Variants in CTNNBL1 observed in about 807,000 individuals in gnomAD.
CTNNBL1 encodes the protein catenin beta like 1.
CTNNBL1 carries 31 observed loss-of-function variants against 72.7 expected under a neutral mutation model. The observed-to-expected ratio is 0.43, with a 90% confidence interval of 0.32 to 0.58. CTNNBL1 has a LOEUF of 0.58. Among genes scored for constraint, CTNNBL1 ranks in the 20% least tolerant of loss-of-function variants. The pLI is 0.08. For missense variants in CTNNBL1, 534 were observed against 725.1 expected, an observed-to-expected ratio of 0.74 and a Z score of 3.03; for synonymous variants, 240 against 267.3, an observed-to-expected ratio of 0.90 and a Z score of 1.00.
chr20:37,833,955 C>G (rs938996062), intron 11 of CTNNBL1, among the ~76,000 whole-genome samples: 1 of 152,162 alleles, frequency 6.6e-6, no homozygotes. Context: ...CACCAGTAGC[C>G]TATGGCGTGC....
rs138422785 is a variant in CTNNBL1, at chr20:37,794,947, C to A, written c.1032-7920C>A. Among the ~76,000 whole-genome samples the A allele has an allele frequency of 7.9e-3, 1,197 of 152,096 alleles. 13 individuals carry two copies. Among genetic ancestry groups the A allele is most frequent in the African/African-American group, 0.027 (1,117 of 41,468 alleles). ...TCTTGGTTTTTGATGAGAAGTCTCC[C>A]ATCATTCATATATGTGTTACTCTAT... On this transcript the variant is annotated intron_variant, in intron 10 of 15. Coordinates refer to ENST00000361383, the MANE Select transcript of CTNNBL1 (RefSeq NM_030877.5).
chr20:37,836,572 A>G (rs937752730), intron 11 of CTNNBL1, among the ~76,000 whole-genome samples: 1 of 151,928 alleles, frequency 6.6e-6, no homozygotes, highest in Non-Finnish European at 1.5e-5. Context: ...TCCCTCCTCT[A>G]TGTTGCCCAC....
intron 13 of CTNNBL1, among the ~76,000 whole-genome samples, chr20:37,854,545 C>T (rs1461983611): frequency 6.9e-6 from 1 of 144,276 alleles, no homozygotes; most frequent in Non-Finnish European, 1.5e-5. Context: ...GAATCCCTGC[C>T]TCTCAATATT....
rs114634698 is a variant in CTNNBL1, at chr20:37,869,157, A to G, written c.1604-2768A>G. On this transcript the variant is annotated intron_variant, in intron 15 of 15. Transcript: ENST00000361383. ...CAGAAGAGGATTTCTGGGGGTAGAC[A>G]CACAGCTGGCACATGCCTGAATCCC... 5.5e-3 allele frequency among the ~76,000 whole-genome samples: 843 copies of G among 152,296 alleles called. 8 individuals carry two copies. The highest frequency in any genetic ancestry group is 0.019 in the African/African-American group (806 of 41,564).
At chr20:37,793,837 G>A (rs2073746591) in intron 10 of CTNNBL1, among the ~76,000 whole-genome samples, 1 of 152,082 alleles carries the variant, frequency 6.6e-6, no homozygotes, top group African/African-American at 2.4e-5. Context: ...CTGGAGTGCA[G>A]TGGCGTGATC....
chr20:37,797,061 C>A (rs2073781832), intron 10 of CTNNBL1, among the ~76,000 whole-genome samples: 1 of 151,986 alleles, frequency 6.6e-6, no homozygotes, highest in Non-Finnish European at 1.5e-5. Context: ...TTTAGTGATA[C>A]CATATTAGTA....
chr20:37,696,435 CTTTTTTT>C (rs57358123), intron 1 of CTNNBL1, among the ~76,000 whole-genome samples: 8 of 89,590 alleles, frequency 8.9e-5, no homozygotes, highest in African/African-American at 2.7e-4. Context: ...TGTACAATAT[CTTTTTTT>C]TTTTTTTTTT....
At chr20:37,795,037 A>C (rs991869802) in intron 10 of CTNNBL1, among the ~76,000 whole-genome samples, 2 of 148,588 alleles carry the variant, frequency 1.3e-5, no homozygotes, top group African/African-American at 5.0e-5. Context: ...TTTTGAGTTT[A>C]TGTAGTTTTT....
chr20:37,817,895 A>C (rs2072073960), intron 11 of CTNNBL1, among the ~76,000 whole-genome samples: 1 of 152,130 alleles, frequency 6.6e-6, no homozygotes, highest in Non-Finnish European at 1.5e-5. Flanking sequence ...TCTCTTGGGG[A>C]TGGCCTTTAT....
In CTNNBL1 at chr20:37,725,142, A is replaced by T. The variant is rs545369650; in HGVS notation, c.31-7737A>T. On this transcript the variant is annotated intron_variant, in intron 1 of 15. Coordinates refer to ENST00000361383, the MANE Select transcript of CTNNBL1 (RefSeq NM_030877.5). ...GGCTGGTCTCGAACTCCTGGGCTCA[A>T]GTGAGCCTCCTGCCTCTGCCTCCCA... Among the ~76,000 whole-genome samples, 7 of 152,182 alleles carry T rather than the reference A, an allele frequency of 4.6e-5. No homozygotes were observed. The South Asian group carries it at 1.5e-3, about 32-fold the overall frequency.
chr20:37,751,298 A>T (rs1447574707), intron 4 of CTNNBL1, among the ~76,000 whole-genome samples: 2 of 152,160 alleles, frequency 1.3e-5, no homozygotes, highest in African/African-American at 4.8e-5. Flanking sequence ...ATGAGGTCTC[A>T]TTGTGATGTT....
At position 37,794,335 on chromosome 20, in the gene CTNNBL1, G is replaced by C. The variant is rs549277474; in HGVS notation, c.1032-8532G>C. On this transcript the variant is annotated intron_variant, in intron 10 of 15. Transcript: ENST00000361383. Reference sequence around the variant, plus strand: ...TCATCTTTTTCTTTTCTTTTCTTTTGAGACACAGTCTTGCTCTGTCACCCA... The same window carrying C: ...TCATCTTTTTCTTTTCTTTTCTTTTCAGACACAGTCTTGCTCTGTCACCCA... Among the ~76,000 whole-genome samples, 4 of 151,850 alleles carry C rather than the reference G, an allele frequency of 2.6e-5. No individual in the cohort carries two copies. The East Asian group carries it at 5.8e-4, about 22-fold the overall frequency.
At chr20:37,844,545 C>T (rs763905656) in intron 13 of CTNNBL1, among the ~76,000 whole-genome samples, 6 of 152,176 alleles carry the variant, frequency 3.9e-5, no homozygotes, top group Non-Finnish European at 8.8e-5. Context: ...CCACTTCTAG[C>T]TCTGAGATTT....
At chr20:37,806,455 T>C (rs2281146) in intron 11 of CTNNBL1, among the ~76,000 whole-genome samples, 124,861 of 152,194 alleles carry the variant, frequency 0.82, 51,289 homozygotes, top group Middle Eastern at 0.89. Flanking sequence ...TGGCGTGTAC[T>C]AAAGGTGATC....
At chr20:37,708,546 A>G (rs968679238) in intron 1 of CTNNBL1, among the ~76,000 whole-genome samples, 1 of 152,200 alleles carries the variant, frequency 6.6e-6, no homozygotes, top group Non-Finnish European at 1.5e-5. Flanking sequence ...AGGGGGAAAA[A>G]AATGAGGTAT....
intron 10 of CTNNBL1, among the ~76,000 whole-genome samples, chr20:37,790,824 T>C (rs1568782116): frequency 1.3e-5 from 2 of 152,232 alleles, no homozygotes; most frequent in African/African-American, 4.8e-5. Flanking sequence ...TTTTGCAATA[T>C]GTATAGACCC....
intron 1 of CTNNBL1, among the ~76,000 whole-genome samples, chr20:37,709,795 C>T (rs2072921487): frequency 6.6e-6 from 1 of 152,142 alleles, no homozygotes. Context: ...AATGAGATTC[C>T]TTTTTTAAAA....
At chr20:37,864,189 C>CA (rs2072516758) in intron 15 of CTNNBL1, among the ~76,000 whole-genome samples, 1 of 143,968 alleles carries the variant, frequency 6.9e-6, no homozygotes, top group African/African-American at 2.9e-5. Flanking sequence ...TTTCATACCA[C>CA]GCCCCCCCCA....
intron 10 of CTNNBL1, among the ~76,000 whole-genome samples, chr20:37,800,720 A>G (rs1265296246): frequency 6.6e-6 from 1 of 152,264 alleles, no homozygotes; most frequent in South Asian, 2.1e-4. Context: ...AATTGCATCC[A>G]CTTTACTCCT....
Sources: allele counts gnomAD v4.1 joint callset (sites outside exome capture counted in the v4.1 genomes callset), GRCh38; gene constraint gnomAD v4.1.1; transcripts MANE v1.5; gene names NCBI Gene and HGNC (gene_info 2026-07-23, HGNC 2026-07-21).